The following SPOCK3 variants were observed in gnomAD, a reference collection of about 807,000 sequenced individuals.
The protein encoded by SPOCK3 is SPARC (osteonectin), cwcv and kazal like domains proteoglycan 3, also known as testican-3.
SPOCK3 carries 30 observed loss-of-function variants against 56.6 expected under a neutral mutation model. The ratio of observed to expected loss-of-function variants is 0.53; its 90% CI spans 0.40 to 0.72. The LOEUF is 0.72. SPOCK3 is among the 30% of genes least tolerant of loss of function. The pLI is 0.00. For synonymous variants in SPOCK3, 196 were observed against 183.3 expected (o/e 1.07, Z -0.56); for missense variants, 527 against 530.0 (o/e 0.99, Z 0.06).
chr4:167,062,726 A>G, intron 2 of SPOCK3, 189 bp from the exon 3 acceptor site: 1 of 546,420 alleles, frequency 1.8e-6, no homozygotes, highest in South Asian at 3.0e-5. Context: ...AATAGTTATC[A>G]AAAAGGAACA....
chr4:166,858,491 T>C (rs1311864848), intron 6 of SPOCK3, among the ~76,000 whole-genome samples: 2 of 152,188 alleles, frequency 1.3e-5, no homozygotes, highest in Non-Finnish European at 1.5e-5. Context: ...ACAGAGTAAA[T>C]AGGCTAAGAC....
intron 2 of SPOCK3, among the ~76,000 whole-genome samples, chr4:167,151,650 T>A (rs1344614998): frequency 6.6e-6 from 1 of 152,026 alleles, no homozygotes; most frequent in Non-Finnish European, 1.5e-5. Context: ...TTAGCCAGGA[T>A]GGTCTCGATC....
intron 2 of SPOCK3, among the ~76,000 whole-genome samples, chr4:167,176,449 G>GTA (rs1730990955): frequency 1.3e-5 from 2 of 151,918 alleles, no homozygotes; most frequent in Non-Finnish European, 2.9e-5. Flanking sequence ...CATTCTATTA[G>GTA]CATGCCCATT....
chr4:166,932,186 G>C (rs2149998978), intron 4 of SPOCK3, among the ~76,000 whole-genome samples: 1 of 152,192 alleles, frequency 6.6e-6, no homozygotes, highest in Admixed American at 6.5e-5. Flanking sequence ...TGTTCAGTAA[G>C]ACCACAGTTA....
intron 6 of SPOCK3, among the ~76,000 whole-genome samples, chr4:166,836,540 T>C (rs1039032038): frequency 3.9e-5 from 6 of 152,186 alleles, no homozygotes; most frequent in Non-Finnish European, 8.8e-5. Context: ...TTATGTGACT[T>C]GAGATTTTTT....
intron 2 of SPOCK3, among the ~76,000 whole-genome samples, chr4:167,107,516 G>A (rs2150337352): frequency 6.6e-6 from 1 of 152,002 alleles, no homozygotes; most frequent in Admixed American, 6.6e-5. Flanking sequence ...TAGAATCCAT[G>A]TATGACAGAC....
intron 7 of SPOCK3, 88 bp downstream of exon 7, chr4:166,792,082 C>A: frequency 6.8e-7 from 1 of 1,462,370 alleles, no homozygotes; most frequent in Non-Finnish European, 9.5e-7. Context: ...TGAATAAATA[C>A]TGAAATATGT....
intron 7 of SPOCK3, among the ~76,000 whole-genome samples, chr4:166,789,884 T>A (rs1000673286): frequency 1.3e-5 from 2 of 152,194 alleles, no homozygotes; most frequent in Admixed American, 1.3e-4. Flanking sequence ...ATATCTATTA[T>A]CTTATGTAAT....
At chr4:167,226,725 T>C (rs557531072) in intron 2 of SPOCK3, among the ~76,000 whole-genome samples, 3 of 152,106 alleles carry the variant, frequency 2.0e-5, no homozygotes, top group African/African-American at 4.8e-5. Context: ...TAGGACAAGG[T>C]GATTGTCCTA....
At chr4:166,799,476 G>A (rs75253558) in intron 6 of SPOCK3, among the ~76,000 whole-genome samples, 5,387 of 152,234 alleles carry the variant, frequency 0.035, 146 homozygotes, top group Non-Finnish European at 0.053. Context: ...AAGATACTGA[G>A]GCTACTCTGG....
At chr4:166,970,600 T>G (rs6553452) in intron 4 of SPOCK3, among the ~76,000 whole-genome samples, 52,595 of 151,660 alleles carry the variant, frequency 0.35, 10,826 homozygotes, top group African/African-American at 0.58. Context: ...AGGTGTTGCC[T>G]GTAATCCCAG....
intron 8 of SPOCK3, among the ~76,000 whole-genome samples, chr4:166,747,850 C>T (rs1004269000): frequency 6.6e-5 from 10 of 152,080 alleles, no homozygotes; most frequent in African/African-American, 2.4e-4. Flanking sequence ...AACAGAAAAA[C>T]AGAGAGCCAA....
chr4:166,898,677 T>A (rs1735676606), intron 5 of SPOCK3, among the ~76,000 whole-genome samples: 2 of 152,178 alleles, frequency 1.3e-5, no homozygotes, highest in South Asian at 4.1e-4. Flanking sequence ...ATCTGGTAAA[T>A]GGTAGAAGAG....
intron 2 of SPOCK3, among the ~76,000 whole-genome samples, chr4:167,230,748 A>T (rs1737096241): frequency 6.6e-6 from 1 of 152,118 alleles, no homozygotes; most frequent in South Asian, 2.1e-4. Context: ...TATACTAATA[A>T]CCAAATAAAT....
chr4:167,001,055 T>C (rs940833642), intron 3 of SPOCK3, among the ~76,000 whole-genome samples: 1 of 152,206 alleles, frequency 6.6e-6, no homozygotes, highest in Non-Finnish European at 1.5e-5. Context: ...CAAACAAACC[T>C]GTCTTGATGG....
intron 3 of SPOCK3, among the ~76,000 whole-genome samples, chr4:167,058,613 C>A (rs954109664): frequency 1.2e-4 from 18 of 152,114 alleles, no homozygotes; most frequent in Admixed American, 5.2e-4. Flanking sequence ...CCCCATCAAG[C>A]TACCAATGAC....
chr4:167,199,736 T>TA (rs1561315001), intron 2 of SPOCK3, among the ~76,000 whole-genome samples: 2 of 139,862 alleles, frequency 1.4e-5, no homozygotes, highest in African/African-American at 2.6e-5. Context: ...ATAATAATAA[T>TA]AACTTTAAGT....
At chr4:167,028,881 G>A (rs545027847) in intron 3 of SPOCK3, among the ~76,000 whole-genome samples, 2 of 152,050 alleles carry the variant, frequency 1.3e-5, no homozygotes, top group South Asian at 4.2e-4. Context: ...TTCATTGCCT[G>A]TTCTCTCAAA....
intron 6 of SPOCK3, among the ~76,000 whole-genome samples, chr4:166,820,338 A>G (rs1381259068): frequency 3.3e-5 from 5 of 152,086 alleles, no homozygotes; most frequent in Non-Finnish European, 7.4e-5. Context: ...AACTAAAAAT[A>G]AAGTAAAAAT....
Sources: gnomAD v4.1 joint callset for allele counts (sites outside exome capture counted in the v4.1 genomes callset) on GRCh38, gnomAD v4.1.1 for gene constraint, MANE v1.5 for transcripts, NCBI Gene and HGNC (gene_info 2026-07-23, HGNC 2026-07-21) for gene names.